BTBD16: variants seen among roughly 807,000 people sequenced by gnomAD.
BTBD16 encodes the protein BTB/POZ domain-containing protein 16.
A neutral mutation model predicts 67.4 loss-of-function variants in BTBD16; 66 were observed. That is an observed-to-expected ratio of 0.98 (90% CI 0.80 to 1.20). The LOEUF (loss-of-function observed/expected upper bound fraction) is 1.20. Ranked by LOEUF, BTBD16 falls within the 50% of genes most tolerant of loss-of-function variation. The probability of loss-of-function intolerance (pLI) is 0.00; values close to 1 mark genes in which losing one functional copy is unlikely to be tolerated. For missense variants in BTBD16, 634 were observed against 616.0 expected (o/e 1.03, Z -0.31); for synonymous variants, 242 against 236.4 (o/e 1.02, Z -0.22).
intron 10 of BTBD16, among the ~76,000 whole-genome samples, chr10:122,325,787 T>G (rs1170882015): frequency 6.6e-6 from 1 of 152,092 alleles, no homozygotes; most frequent in Non-Finnish European, 1.5e-5. Context: ...GCAATGCTCC[T>G]GCCTCAGCCA....
intron 7 of BTBD16, among the ~76,000 whole-genome samples, chr10:122,296,427 A>G (rs1213160714): frequency 1.3e-5 from 2 of 152,134 alleles, no homozygotes; most frequent in African/African-American, 2.4e-5. Flanking sequence ...GAGGTACTGG[A>G]TGTCCTTTAA....
At chr10:122,332,284 A>T in intron 12 of BTBD16, 152 bp from the exon 13 acceptor site, 1 of 647,264 alleles carries the variant, frequency 1.5e-6, no homozygotes, top group Non-Finnish European at 2.7e-6. Context: ...ATGTCTGTGA[A>T]CTGAATGAAT....
At chr10:122,331,072 C>A in intron 11 of BTBD16, 104 bp from the exon 12 acceptor site, 1 of 1,474,566 alleles carries the variant, frequency 6.8e-7, no homozygotes. Context: ...ACCCCTTTCC[C>A]TTCCCTCAGC....
intron 10 of BTBD16, among the ~76,000 whole-genome samples, chr10:122,324,699 T>C (rs2142123634): frequency 6.6e-6 from 1 of 152,338 alleles, no homozygotes; most frequent in Non-Finnish European, 1.5e-5. Flanking sequence ...TTGTTGTGTC[T>C]TCTCTTGCTC....
chr10:122,287,126 C>T (rs1388877564), intron 5 of BTBD16, among the ~76,000 whole-genome samples: 7 of 152,352 alleles, frequency 4.6e-5, no homozygotes, highest in African/African-American at 1.2e-4. Flanking sequence ...AGCCCTTCCC[C>T]GCTGTGCAGG....
intron 10 of BTBD16, among the ~76,000 whole-genome samples, chr10:122,311,308 G>A (rs113982495): frequency 1.4e-4 from 21 of 152,214 alleles, no homozygotes; most frequent in African/African-American, 4.8e-4. Context: ...GGTCGTGTGT[G>A]GCTTGCAAAC....
Position 122,334,811 on chromosome 10 carries a change from C to A in BTBD16, c.1165-70C>A, listed in dbSNP as rs962104281. On this transcript the variant is annotated intron_variant, in intron 13 of 15. Transcript: ENST00000260723. The stretch of plus-strand genomic sequence containing the variant: ...TGCTGGGATTACAGGTGTGAACCAC[C>A]ACGCCCGGGTGACTTTGAATACTAA... 3 of 968,326 alleles carry A rather than the reference C, an allele frequency of 3.1e-6. No individual in the cohort carries two copies. The African/African-American group carries it at 4.9e-5, about 16-fold the overall frequency. 60.0% of individuals were successfully genotyped at this position (968,326 alleles called of 1,614,324 possible). A position where few individuals can be genotyped will look rare whatever the true frequency, so the allele number is the denominator to read the frequency against.
At chr10:122,302,447 C>T (rs2096395819) in intron 9 of BTBD16, among the ~76,000 whole-genome samples, 1 of 152,126 alleles carries the variant, frequency 6.6e-6, no homozygotes, top group Non-Finnish European at 1.5e-5. Context: ...CACTGTCTAG[C>T]TCCCATCTCA....
intron 5 of BTBD16, 40 bp downstream of exon 5, chr10:122,286,288 C>G (rs1434136261): frequency 1.3e-6 from 2 of 1,564,596 alleles, no homozygotes; most frequent in Non-Finnish European, 1.7e-6. Context: ...GCCCCAGTGC[C>G]CTCTAGCTTG....
chr10:122,301,831 A>G (rs542925778), intron 9 of BTBD16, among the ~76,000 whole-genome samples: 2 of 152,094 alleles, frequency 1.3e-5, no homozygotes, highest in Non-Finnish European at 2.9e-5. Context: ...ATTATCCCTG[A>G]TATAAGAGGG....
rs1458319096 is a variant in BTBD16, at chr10:122,299,137, C to A, written c.791+3C>A. On this transcript the variant is annotated splice_donor_region_variant and intron_variant, in intron 9 of 15. Coordinates refer to ENST00000260723, the MANE Select transcript of BTBD16 (RefSeq NM_144587.5). ...CACAAAGTGCTGAAGTCCCCCAGGT[C>A]AGAGCTGGCTCCCAGGGTGCGGCCC... 6.2e-7 allele frequency: 1 copy of A among 1,613,308 alleles called. No individual in the cohort carries two copies. Among genetic ancestry groups the A allele is most frequent in the Non-Finnish European group, 8.5e-7 (1 of 1,179,838 alleles).
At chr10:122,305,992 A>T (rs1181516119) in intron 9 of BTBD16, among the ~76,000 whole-genome samples, 1 of 152,150 alleles carries the variant, frequency 6.6e-6, no homozygotes, top group East Asian at 1.9e-4. Flanking sequence ...TCCACCACTG[A>T]TGGGCACCTA....
chr10:122,330,720 G>GTTGTT (rs531057457), intron 11 of BTBD16, among the ~76,000 whole-genome samples: 2 of 152,076 alleles, frequency 1.3e-5, no homozygotes. Context: ...GGTTTTTTGT[G>GTTGTT]TTGTTTTGTT....
Position 122,291,159 on chromosome 10 carries a change from C to A in BTBD16, c.555C>A (p.Ser185=), listed in dbSNP as rs767275051. ...AAGACCTACTGGGAGTGCTGGCTTC[C>A]GCCCACATCCTCCAGTTCAGTGGCC... ...NLEDLLGVLA[S]AHILQFSGLF... is the part of the protein sequence containing the mutation. Residue 185 remains serine, a synonymous_variant, in exon 7 of 16, where the codon TCC becomes TCA. Transcript: ENST00000260723. 6 of 1,613,780 alleles carry A rather than the reference C, an allele frequency of 3.7e-6. No homozygotes were observed. In the South Asian group the frequency reaches 6.6e-5, roughly 18 times the overall value.
chr10:122,296,352 G>A (rs1046341159), intron 7 of BTBD16, among the ~76,000 whole-genome samples: 4 of 152,144 alleles, frequency 2.6e-5, no homozygotes, highest in African/African-American at 9.7e-5. Context: ...GTTGTTGGTG[G>A]TAACAAGACC....
intron 10 of BTBD16, among the ~76,000 whole-genome samples, chr10:122,319,090 T>C (rs2096431209): frequency 6.6e-6 from 1 of 152,268 alleles, no homozygotes; most frequent in African/African-American, 2.4e-5. Flanking sequence ...TGTTTTATTA[T>C]TGACTTGTGA....
At chr10:122,272,266 T>C (rs1320735462) in intron 1 of BTBD16, among the ~76,000 whole-genome samples, 2 of 152,228 alleles carry the variant, frequency 1.3e-5, no homozygotes, top group Non-Finnish European at 2.9e-5. Flanking sequence ...CATACATGGA[T>C]GCAATTGCAG....
At chr10:122,327,103 T>TAGGA in intron 10 of BTBD16, among the ~76,000 whole-genome samples, 1 of 152,178 alleles carries the variant, frequency 6.6e-6, no homozygotes, top group South Asian at 2.1e-4. Context: ...GTGGCCTGTG[T>TAGGA]AGGACACTGG....
At chr10:122,337,931 C>T (rs2096465823) in intron 15 of BTBD16, 86 bp from the exon 16 acceptor site, 1 of 1,122,462 alleles carries the variant, frequency 8.9e-7, no homozygotes, top group African/African-American at 1.5e-5. Flanking sequence ...TTTTCTACAA[C>T]TGTTAGTCCT....
Sources: allele counts gnomAD v4.1 joint callset (sites outside exome capture counted in the v4.1 genomes callset), GRCh38; gene constraint gnomAD v4.1.1; transcripts MANE v1.5; gene names NCBI Gene and HGNC (gene_info 2026-07-23, HGNC 2026-07-21).